The following MYO6 variants were observed in gnomAD, a reference collection of about 807,000 sequenced individuals.
MYO6 encodes the protein unconventional myosin-VI.
In MYO6, 74 loss-of-function variants were observed where a neutral mutation model predicts 178.7. The ratio of observed to expected loss-of-function variants is 0.41; its 90% CI spans 0.34 to 0.50. MYO6 has a LOEUF of 0.50. MYO6 is among the 20% of genes least tolerant of loss of function. The pLI is 0.09. For missense variants in MYO6, 1,330 were observed against 1,547.4 expected (o/e 0.86, Z 2.36); for synonymous variants, 477 against 504.6 (o/e 0.95, Z 0.73).
rs1777065578 is a variant in MYO6, at chr6:75,870,570, T to C, written c.1945-77T>C. 3.6e-6 allele frequency: 4 copies of C among 1,119,034 alleles called. No individual in the cohort carries two copies. The South Asian group carries it at 5.1e-5, about 14-fold the overall frequency. The allele number at this position is 1,119,034 out of a possible 1,614,324, so 69.3% of individuals were successfully genotyped here. On this transcript the variant is annotated intron_variant, in intron 18 of 34. Transcript: ENST00000369977. The stretch of plus-strand genomic sequence containing the variant: ...ATTGCATGTTATTTTATTCCAGTAC[T>C]GGAGAGCTAATATTAACTCATGACA...
chr6:75,821,492 A>G (rs1771866009), intron 2 of MYO6, among the ~76,000 whole-genome samples: 1 of 152,094 alleles, frequency 6.6e-6, no homozygotes, highest in Non-Finnish European at 1.5e-5. Context: ...TTATAACATT[A>G]ACAACATGTG....
chr6:75,861,899 C>T (rs1776242906), intron 15 of MYO6, among the ~76,000 whole-genome samples: 1 of 152,110 alleles, frequency 6.6e-6, no homozygotes, highest in Non-Finnish European at 1.5e-5. Context: ...TCTTCCCCTT[C>T]CATTTGTCTT....
chr6:75,836,857 A>G (rs890872321), intron 7 of MYO6, among the ~76,000 whole-genome samples: 3 of 151,866 alleles, frequency 2.0e-5, no homozygotes, highest in Admixed American at 6.5e-5. Context: ...TGTTGGGATT[A>G]TAGGGGTGAG....
chr6:75,830,653 T>C, intron 5 of MYO6, 108 bp downstream of exon 5: 1 of 1,094,660 alleles, frequency 9.1e-7, no homozygotes, highest in Non-Finnish European at 1.4e-6. Flanking sequence ...AATATATATT[T>C]TGGAGAAACT....
chr6:75,790,283 C>T (rs570618066), intron 1 of MYO6, among the ~76,000 whole-genome samples: 1 of 151,940 alleles, frequency 6.6e-6, no homozygotes, highest in South Asian at 2.1e-4. Flanking sequence ...AAATTGTTTA[C>T]AATACTTAAA....
Position 75,866,986 on chromosome 6 carries a change from A to G in MYO6, c.1825A>G (p.Ile609Val). The G allele has an allele frequency of 1.2e-6, 2 of 1,613,948 alleles. No individual in the cohort carries two copies. The highest frequency in any genetic ancestry group is 1.7e-6 in the Non-Finnish European group (2 of 1,179,860). The change falls in exon 18 of 35, where the codon ATA becomes GTA. Residue 609 changes from isoleucine (I) to valine (V), a missense_variant. Coordinates refer to ENST00000369977, the MANE Select transcript of MYO6 (RefSeq NM_004999.4). ...TTTACATATGTCTCTTGAATCCTTA[A>G]TATGTGAATCCAGAGATAAGTTTAT... Reference protein sequence around the residue: ...DALHMSLESLICESRDKFIRE... With the variant: ...DALHMSLESLVCESRDKFIRE...
chr6:75,779,557 A>G (rs1287906048), intron 1 of MYO6, among the ~76,000 whole-genome samples: 1 of 152,116 alleles, frequency 6.6e-6, no homozygotes, highest in Non-Finnish European at 1.5e-5. Context: ...ATTTTGAGAC[A>G]GCATATCTGT....
chr6:75,829,434 C>A (rs76044703), intron 4 of MYO6, among the ~76,000 whole-genome samples: 3,059 of 152,104 alleles, frequency 0.02, 96 homozygotes, highest in African/African-American at 0.07. Context: ...TTCTTTGACA[C>A]TTACTAGATC....
intron 1 of MYO6, among the ~76,000 whole-genome samples, chr6:75,787,506 A>G (rs1583072272): frequency 1.3e-5 from 2 of 151,992 alleles, no homozygotes; most frequent in Admixed American, 1.3e-4. Context: ...GATTCCATAT[A>G]TATGAAATTC....
At chr6:75,860,902 G>A (rs894003260) in intron 14 of MYO6, 121 bp from the exon 15 acceptor site, 5 of 782,418 alleles carry the variant, frequency 6.4e-6, no homozygotes, top group African/African-American at 1.7e-5. Flanking sequence ...AACCATTTAA[G>A]GCTATACCAG....
chr6:75,900,352 A>G (rs1239829819), intron 30 of MYO6, among the ~76,000 whole-genome samples: 4 of 152,200 alleles, frequency 2.6e-5, no homozygotes, highest in African/African-American at 4.8e-5. Flanking sequence ...AGTCCCACCA[A>G]CAGTGTAAAA....
chr6:75,839,288 A>G (rs1773976912), intron 7 of MYO6, among the ~76,000 whole-genome samples: 2 of 151,932 alleles, frequency 1.3e-5, no homozygotes, highest in Admixed American at 1.3e-4. Context: ...TCCGGGGTTC[A>G]CGCCATTCTC....
chr6:75,873,227 C>T lies in MYO6; in HGVS notation c.2004C>T (p.Cys668=), dbSNP rs770002564. ...CCTAGGGAGCAAGCTTTATTCGTTG[C>T]ATCAAACCTAACTTAAAGATGACAA... is the stretch of plus-strand genomic sequence containing the variant. ...LRSTGASFIR[C]IKPNLKMTSH... is the part of the protein sequence containing the mutation. The change falls in exon 20 of 35, where the codon TGC becomes TGT. Residue 668 remains cysteine, a synonymous_variant. Transcript: ENST00000369977. 1 of 1,613,968 alleles carries T rather than the reference C, an allele frequency of 6.2e-7. No individual in the cohort carries two copies. The highest frequency in any genetic ancestry group is 8.5e-7 in the Non-Finnish European group (1 of 1,179,908).
At chr6:75,815,609 G>A (rs966451467) in intron 1 of MYO6, among the ~76,000 whole-genome samples, 2 of 152,206 alleles carry the variant, frequency 1.3e-5, no homozygotes, top group Non-Finnish European at 2.9e-5. Context: ...TTGTCAACTT[G>A]GAATTGTACA....
chr6:75,835,856 AC>A lies in MYO6; in HGVS notation c.498-43del, dbSNP rs751734512. 3 of 1,080,690 alleles carry A rather than the reference AC, an allele frequency of 2.8e-6. No individual in the cohort carries two copies. The Admixed American group carries it at 5.1e-5, about 18-fold the overall frequency. The allele number at this position is 1,080,690 out of a possible 1,614,324, so 66.9% of individuals were successfully genotyped here. On this transcript the variant is annotated intron_variant, in intron 6 of 34. Coordinates refer to ENST00000369977, the MANE Select transcript of MYO6 (RefSeq NM_004999.4). ...ACTAGATAATTATAAATTATTGTAC[AC>A]CATATTATTGTCATCAACATTTTTT...
intron 10 of MYO6, among the ~76,000 whole-genome samples, chr6:75,845,550 T>C (rs191929945): frequency 5.6e-4 from 85 of 151,702 alleles, no homozygotes; most frequent in Non-Finnish European, 9.9e-4. Context: ...AAAAATTCAC[T>C]GGGTGAGGTC....
At chr6:75,847,242 T>A (rs1321789194) in intron 10 of MYO6, among the ~76,000 whole-genome samples, 1 of 152,142 alleles carries the variant, frequency 6.6e-6, no homozygotes, top group Non-Finnish European at 1.5e-5. Flanking sequence ...AATTTTATTG[T>A]CTTAGATATT....
chr6:75,811,223 C>G (rs75308888), intron 1 of MYO6, among the ~76,000 whole-genome samples: 1 of 152,036 alleles, frequency 6.6e-6, no homozygotes, highest in Non-Finnish European at 1.5e-5. Flanking sequence ...TTTTAGATTT[C>G]TTTTCACCCT....
intron 1 of MYO6, among the ~76,000 whole-genome samples, chr6:75,785,355 TGTA>T (rs1225138562): frequency 1.3e-5 from 2 of 152,150 alleles, no homozygotes; most frequent in Non-Finnish European, 1.5e-5. Context: ...AGTAGTATAG[TGTA>T]GTAATTAAGA....
Sources: allele counts gnomAD v4.1 joint callset (sites outside exome capture counted in the v4.1 genomes callset), GRCh38; gene constraint gnomAD v4.1.1; transcripts MANE v1.5; gene names NCBI Gene and HGNC (gene_info 2026-07-23, HGNC 2026-07-21).